The following NEGR1 variants were observed in gnomAD, a reference collection of about 807,000 sequenced individuals.
NEGR1 encodes the protein IgLON family member 4.
Under a neutral mutation model 40.9 loss-of-function variants are expected in NEGR1, and 10 were observed. The observed-to-expected ratio is 0.24, with a 90% CI of 0.15 to 0.42. The LOEUF (loss-of-function observed/expected upper bound fraction) is 0.42, where lower values mean the gene tolerates loss of function less well. NEGR1 is among the 10% of genes least tolerant of loss of function. The pLI is 1.00. For synonymous variants in NEGR1, 185 were observed against 166.8 expected, an observed-to-expected ratio of 1.11 and a Z score of -0.84; for missense variants, 352 against 438.9, an observed-to-expected ratio of 0.80 and a Z score of 1.77.
intron 1 of NEGR1, among the ~76,000 whole-genome samples, chr1:71,991,624 C>T (rs1646452198): frequency 6.6e-6 from 1 of 152,110 alleles, no homozygotes; most frequent in South Asian, 2.1e-4. Flanking sequence ...TATCAAAATA[C>T]ACTTCTCTAT....
intron 2 of NEGR1, among the ~76,000 whole-genome samples, chr1:71,779,692 G>A (rs1570336309): frequency 2.6e-5 from 4 of 151,712 alleles, no homozygotes; most frequent in Admixed American, 1.3e-4. Flanking sequence ...CTCAGCCTCC[G>A]GAGTAGCTGG....
chr1:71,842,056 C>T (rs1286293454), intron 2 of NEGR1, among the ~76,000 whole-genome samples: 1 of 152,132 alleles, frequency 6.6e-6, no homozygotes, highest in Non-Finnish European at 1.5e-5. Flanking sequence ...GCTCATTTTG[C>T]CTTGCAACTC....
rs111647677 is a variant in NEGR1 at position 72,154,543 on chromosome 1, C to T, written c.176+127776G>A. The stretch of plus-strand genomic sequence containing the variant: ...ATTCTAGGAATGCCCAATGCAAGTA[C>T]GAACTCACCAAATAGGAAATATTTT... On this transcript the variant is annotated intron_variant, in intron 1 of 6. Transcript: ENST00000357731. 9.7e-3 allele frequency among the ~76,000 whole-genome samples: 1,477 copies of T among 151,996 alleles called. 13 individuals are homozygous for T. Among genetic ancestry groups the T allele is most frequent in the Non-Finnish European group, 0.014 (941 of 67,884 alleles).
chr1:71,412,262 T>G (rs1198573484), intron 6 of NEGR1, among the ~76,000 whole-genome samples: 1 of 152,166 alleles, frequency 6.6e-6, no homozygotes, highest in Non-Finnish European at 1.5e-5. Context: ...CCTTTGTGCA[T>G]GCAACCTCCT....
intron 6 of NEGR1, among the ~76,000 whole-genome samples, chr1:71,471,869 A>C (rs1432239890): frequency 2.0e-5 from 3 of 151,960 alleles, no homozygotes; most frequent in Admixed American, 6.6e-5. Flanking sequence ...CAACAGAACA[A>C]CGTCCCGGTA....
intron 2 of NEGR1, among the ~76,000 whole-genome samples, chr1:71,811,158 C>T (rs1445298967): frequency 1.3e-5 from 2 of 152,198 alleles, no homozygotes; most frequent in Middle Eastern, 3.4e-3. Flanking sequence ...ATATTTACCT[C>T]CTAAATCCTT....
At chr1:71,423,733 G>A (rs1334294969) in intron 6 of NEGR1, among the ~76,000 whole-genome samples, 1 of 151,844 alleles carries the variant, frequency 6.6e-6, no homozygotes, top group African/African-American at 2.4e-5. Flanking sequence ...CTTTTGGGCA[G>A]GGCATATAAA....
At chr1:71,776,331 A>C (rs763941426) in intron 2 of NEGR1, 34 bp from the exon 3 acceptor site, 2 of 1,421,680 alleles carry the variant, frequency 1.4e-6, no homozygotes, top group East Asian at 5.0e-5. Context: ...ATTAGAAAAA[A>C]ATATATAAAG....
At position 72,137,836 on chromosome 1, in the gene NEGR1, G is replaced by C. The variant is rs369843910; in HGVS notation, c.176+144483C>G. On this transcript the variant is annotated intron_variant, in intron 1 of 6. Transcript: ENST00000357731. ...GAAAAACAGCACATTGCATACAGAA[G>C]ACCACTTGTGTTATAAATGACAGCA... is the stretch of plus-strand genomic sequence containing the variant. 1.1e-4 allele frequency among the ~76,000 whole-genome samples: 17 copies of C among 152,222 alleles called. No individual in the cohort carries two copies. The East Asian group carries it at 1.2e-3, about 10-fold the overall frequency.
chr1:72,101,423 T>C (rs1306132134), intron 1 of NEGR1, among the ~76,000 whole-genome samples: 7 of 152,184 alleles, frequency 4.6e-5, no homozygotes, highest in Non-Finnish European at 8.8e-5. Context: ...CAATGGTAAA[T>C]GTGGAATGTA....
At chr1:72,042,612 C>T (rs1311289086) in intron 1 of NEGR1, among the ~76,000 whole-genome samples, 3 of 151,948 alleles carry the variant, frequency 2.0e-5, no homozygotes, top group African/African-American at 7.2e-5. Context: ...CTGGAAAGTT[C>T]AGAAACCACA....
At chr1:71,489,585 A>T (rs1173234435) in intron 6 of NEGR1, 28 of 151,980 alleles carry the variant, frequency 1.8e-4, no homozygotes, top group Admixed American at 1.8e-3. Flanking sequence ...ATAATAATCC[A>T]CATAGATAGT....
intron 6 of NEGR1, among the ~76,000 whole-genome samples, chr1:71,589,971 C>T (rs1261824389): frequency 6.6e-6 from 1 of 152,102 alleles, no homozygotes; most frequent in Non-Finnish European, 1.5e-5. Context: ...TTTATTCTAG[C>T]CATTTTAAAG....
At chr1:71,508,502 C>A (rs1647051006) in intron 6 of NEGR1, among the ~76,000 whole-genome samples, 1 of 152,166 alleles carries the variant, frequency 6.6e-6, no homozygotes, top group African/African-American at 2.4e-5. Context: ...TGGCAGGGGA[C>A]TCCTCCCTAC....
chr1:71,897,934 C>G (rs1661017609), intron 2 of NEGR1, among the ~76,000 whole-genome samples: 1 of 152,116 alleles, frequency 6.6e-6, no homozygotes, highest in East Asian at 1.9e-4. Flanking sequence ...TTATTTCCAA[C>G]TTAGAAATTT....
intron 1 of NEGR1, among the ~76,000 whole-genome samples, chr1:71,949,128 A>C (rs889891826): frequency 6.6e-6 from 1 of 152,244 alleles, no homozygotes; most frequent in African/African-American, 2.4e-5. Flanking sequence ...TTAGGGACTA[A>C]ATTTTTCTCA....
chr1:71,992,225 C>T (rs1016890915), intron 1 of NEGR1, among the ~76,000 whole-genome samples: 5 of 151,986 alleles, frequency 3.3e-5, no homozygotes, highest in African/African-American at 1.2e-4. Context: ...ACATCATATT[C>T]ATTTTTAGCA....
intron 3 of NEGR1, among the ~76,000 whole-genome samples, chr1:71,767,320 T>C (rs1003208204): frequency 1.3e-5 from 2 of 152,088 alleles, no homozygotes; most frequent in Non-Finnish European, 2.9e-5. Context: ...GAGGAATGTA[T>C]TGGGAACTAG....
chr1:71,638,551 T>C (rs1305358836), intron 4 of NEGR1, among the ~76,000 whole-genome samples: 1 of 152,090 alleles, frequency 6.6e-6, no homozygotes, highest in Non-Finnish European at 1.5e-5. Flanking sequence ...GGGACATCAA[T>C]TGAGCATGTA....
Sources: gnomAD v4.1 joint callset for allele counts (sites outside exome capture counted in the v4.1 genomes callset) on GRCh38, gnomAD v4.1.1 for gene constraint, MANE v1.5 for transcripts, NCBI Gene and HGNC (gene_info 2026-07-23, HGNC 2026-07-21) for gene names.